Variants in BBS1 observed in about 807,000 individuals in gnomAD.
BBS1 encodes the protein Bardet-Biedl syndrome 1.
A neutral mutation model predicts 73.9 loss-of-function variants in BBS1; 60 were observed. The observed-to-expected ratio is 0.81, with a 90% CI of 0.66 to 1.01. The LOEUF (loss-of-function observed/expected upper bound fraction) is 1.01, where lower values mean the gene tolerates loss of function less well. Among genes scored for constraint, BBS1 ranks in the 50% least tolerant of loss-of-function variants. The pLI is 0.00. For synonymous variants in BBS1, 283 were observed against 317.4 expected (o/e 0.89, Z 1.15); for missense variants, 718 against 770.3 (o/e 0.93, Z 0.80).
At chr11:66,531,818 A>G in intron 16 of BBS1, 76 bp downstream of exon 16, 1 of 1,574,988 alleles carries the variant, frequency 6.3e-7, no homozygotes, top group African/African-American at 1.5e-5. Flanking sequence ...GCCAACAAAG[A>G]CCTTAGGGGG....
intron 6 of BBS1, 56 bp downstream of exon 6, chr11:66,515,787 G>A (rs369612079): frequency 5.3e-5 from 85 of 1,613,912 alleles, no homozygotes; most frequent in Middle Eastern, 3.3e-4. Context: ...GGAAGCAGCC[G>A]CCAGAATGTG....
chr11:66,524,718 T>G (rs1856408464), intron 11 of BBS1, among the ~76,000 whole-genome samples: 1 of 152,178 alleles, frequency 6.6e-6, no homozygotes, highest in Non-Finnish European at 1.5e-5. Flanking sequence ...TTAAATCAGT[T>G]TAGTAGATCA....
rs775900681 is a variant in BBS1, at chr11:66,519,661, C to T, written c.636C>T (p.Asp212=). 6 of 1,613,740 alleles carry T rather than the reference C, an allele frequency of 3.7e-6. No homozygotes were observed. The highest frequency in any genetic ancestry group is 1.7e-5 in the Admixed American group (1 of 59,980). The change falls in exon 8 of 17, where the codon GAC becomes GAT. Residue 212 remains aspartate (D), a synonymous_variant. Transcript: ENST00000318312. ...CCACCTTGAAGAAGAACCTGGCTGACGAGGATGCTGTGTCTTGCCTGGTGC... is the reference window on the plus strand; with the variant it reads ...CCACCTTGAAGAAGAACCTGGCTGATGAGGATGCTGTGTCTTGCCTGGTGC... ...TMTTLKKNLA[D]EDAVSCLVLG... is the part of the protein sequence containing the mutation.
chr11:66,518,289 G>A (rs1249524906), intron 7 of BBS1, among the ~76,000 whole-genome samples: 4 of 144,168 alleles, frequency 2.8e-5, no homozygotes, highest in Non-Finnish European at 4.6e-5. Flanking sequence ...ACGGAGTCTC[G>A]CTCTGTCACC....
At chr11:66,523,639 G>A in intron 10 of BBS1, 63 bp downstream of exon 10, 2 of 1,612,174 alleles carry the variant, frequency 1.2e-6, no homozygotes, top group Non-Finnish European at 1.7e-6. Context: ...CTTGGCAAGA[G>A]AGTCCTCTGG....
In BBS1 at chr11:66,523,743, T is replaced by C. The variant is rs747686856; in HGVS notation, c.971T>C (p.Val324Ala). ...FTHKGKKLWT[V>A]QMPAAILTMN... ...TGCCAGGGGAAGAAGCTGTGGACAG[T>C]GCAGATGCCCGCAGCCATCCTGACC... The change falls in exon 11 of 17, where the codon GTG (valine) becomes GCG (alanine). Residue 324 changes from valine (V) to alanine (A), a missense_variant. Transcript: ENST00000318312. 3 of 1,612,078 alleles carry C rather than the reference T, an allele frequency of 1.9e-6. No homozygotes were observed. Among genetic ancestry groups the C allele is most frequent in the East Asian group, 2.2e-5 (1 of 44,886 alleles).
At chr11:66,512,042 GTATATATATGTGTATATATATGTA>G (rs1855963833) in intron 3 of BBS1, among the ~76,000 whole-genome samples, 1 of 143,030 alleles carries the variant, frequency 7.0e-6, no homozygotes, top group Non-Finnish European at 1.5e-5. Context: ...GTATATATAT[GTATATATATGTGTATATATATGTA>G]TATATATATA....
At chr11:66,524,286 A>C (rs1856388961) in intron 11 of BBS1, 1 of 333,724 alleles carries the variant, frequency 3.0e-6, no homozygotes, top group East Asian at 8.0e-5. Flanking sequence ...TCTTAAAAAA[A>C]AAAAAAATGT....
In BBS1 at chr11:66,521,291, G is replaced by A. The variant is rs139145556; in HGVS notation, c.745G>A (p.Val249Ile). The change falls in exon 9 of 17, where the codon GTC becomes ATC. Residue 249 changes from valine (V) to isoleucine (I), a missense_variant. Val to Ile is a conservative substitution (Grantham distance 29). Coordinates refer to ENST00000318312, the MANE Select transcript of BBS1 (RefSeq NM_024649.5). ...GCAGATGAGCCTTCCCAGCGTCCCC[G>A]TCTTCCTAGAGGTTTCTGGCCAGTT... ...LAKMSLPSVPVFLEVSGQFDV... is the reference protein window; with the variant it reads ...LAKMSLPSVPIFLEVSGQFDV... The A allele has an allele frequency of 1.7e-5, 27 of 1,614,078 alleles. No homozygotes were observed. The highest frequency in any genetic ancestry group is 9.3e-5 in the African/African-American group (7 of 74,922).
At position 66,532,257 on chromosome 11, in the gene BBS1, T is replaced by A. The variant is rs1195189211; in HGVS notation, c.*220T>A. 2 of 586,548 alleles carry A rather than the reference T, an allele frequency of 3.4e-6. No homozygotes were observed. The highest frequency in any genetic ancestry group is 5.7e-5 in the East Asian group (2 of 35,340). 36.3% of individuals were successfully genotyped at this position (586,548 alleles called of 1,614,324 possible). ...CTCCTCCCACAGCACCAACCCAGCA[T>A]GGTCCCACTGAAGTCCTACTACGCC... On this transcript the variant is annotated 3_prime_UTR_variant, in exon 17 of 17. Transcript: ENST00000318312.
intron 6 of BBS1, 23 bp from the exon 7 acceptor site, chr11:66,515,838 A>G: frequency 6.2e-7 from 1 of 1,614,212 alleles, no homozygotes; most frequent in Non-Finnish European, 8.5e-7. Context: ...GGGCCTGCAG[A>G]TGCCAGTTCT....
chr11:66,531,554 G>A (rs1008735805), intron 15 of BBS1, 102 bp from the exon 16 acceptor site: 91 of 1,482,052 alleles, frequency 6.1e-5, no homozygotes, highest in Non-Finnish European at 7.8e-5. Context: ...CCACCCTGCA[G>A]GGGTGCTGAG....
At chr11:66,510,957 T>TC in intron 1 of BBS1, 56 bp from the exon 2 acceptor site, 1 of 1,565,254 alleles carries the variant, frequency 6.4e-7, no homozygotes, top group Non-Finnish European at 8.8e-7. Context: ...TTCCTCAAAG[T>TC]TTTTTTTTCC....
intron 11 of BBS1, 22 bp downstream of exon 11, chr11:66,523,904 T>G: frequency 3.7e-6 from 6 of 1,611,886 alleles, no homozygotes; most frequent in African/African-American, 1.3e-5. Context: ...CTCCGGCATC[T>G]GCCACTCACT....
At chr11:66,516,184 G>A (rs1388186161) in intron 7 of BBS1, among the ~76,000 whole-genome samples, 1 of 145,234 alleles carries the variant, frequency 6.9e-6, no homozygotes, top group African/African-American at 2.6e-5. Context: ...GGAGTACAGT[G>A]GCACAATCTC....
At chr11:66,531,096 C>T in intron 15 of BBS1, 68 bp downstream of exon 15, 1 of 1,593,570 alleles carries the variant, frequency 6.3e-7, no homozygotes, top group South Asian at 1.1e-5. Flanking sequence ...GAGATGCCCA[C>T]AGAGCCCCGC....
At chr11:66,520,821 C>T (rs1590761740) in intron 8 of BBS1, 1 of 259,248 alleles carries the variant, frequency 3.9e-6, no homozygotes, top group East Asian at 9.9e-5. Flanking sequence ...GCAACCTATG[C>T]CACCTGGGCT....
rs1384153100 is a variant in BBS1 at position 66,511,225 on chromosome 11, G to C, written c.145G>C (p.Asp49His). ...TCCAGCGCTGGCAGATTTACATGGG[G>C]ATGGGGAATACAAGGTAAGCATATC... Reference protein sequence around the residue: ...ACLALADLHGDGEYKLVVGDL... With the variant: ...ACLALADLHGHGEYKLVVGDL... Residue 49 changes from aspartate to histidine, a missense_variant, in exon 3 of 17, where the codon GAT (aspartate) becomes CAT (histidine). Coordinates refer to ENST00000318312, the MANE Select transcript of BBS1 (RefSeq NM_024649.5). 1.1e-5 allele frequency: 18 copies of C among 1,613,998 alleles called. No homozygotes were observed. The highest frequency in any genetic ancestry group is 1.5e-5 in the Non-Finnish European group (18 of 1,180,034).
At position 66,524,327 on chromosome 11, in the gene BBS1, A is replaced by G. The variant is rs1464534240; in HGVS notation, c.1110+445A>G. On this transcript the variant is annotated intron_variant, in intron 11 of 16. Coordinates refer to ENST00000318312, the MANE Select transcript of BBS1 (RefSeq NM_024649.5). Reference sequence around the variant, plus strand: ...GCACCTCATATGTACCAGTCACCATATTGGTAGGGGTGGGGGGTAAAATGA... The same window carrying G: ...GCACCTCATATGTACCAGTCACCATGTTGGTAGGGGTGGGGGGTAAAATGA... 3 of 285,976 alleles carry G rather than the reference A, an allele frequency of 1.0e-5. No homozygotes were observed. In the East Asian group the frequency reaches 2.9e-4, roughly 28 times the overall value. The allele number at this position is 285,976 out of a possible 1,614,324, so 17.7% of individuals were successfully genotyped here. A position where few individuals can be genotyped will look rare whatever the true frequency, so the allele number is the denominator to read the frequency against.
Sources: gnomAD v4.1 joint callset for allele counts (sites outside exome capture counted in the v4.1 genomes callset) on GRCh38, gnomAD v4.1.1 for gene constraint, MANE v1.5 for transcripts, NCBI Gene and HGNC (gene_info 2026-07-23, HGNC 2026-07-21) for gene names.